The following PHKB variants were observed in gnomAD, a reference collection of about 807,000 sequenced individuals.
The protein encoded by PHKB is phosphorylase b kinase regulatory subunit beta.
In PHKB, 122 loss-of-function variants were observed where a neutral mutation model predicts 152.1. That is an observed-to-expected ratio of 0.80 (90% CI 0.69 to 0.93). The LOEUF (loss-of-function observed/expected upper bound fraction) is 0.93. PHKB is among the 40% of genes least tolerant of loss of function. PHKB has a pLI of 0.00. For synonymous variants in PHKB, 436 were observed against 464.9 expected (o/e 0.94, Z 0.80); for missense variants, 1,304 against 1,328.4 (o/e 0.98, Z 0.29).
intron 1 of PHKB, 53 bp from the exon 2 acceptor site, chr16:47,497,342 CTTTG>C (rs1330252372): frequency 5.3e-5 from 57 of 1,068,418 alleles, no homozygotes; most frequent in Non-Finnish European, 7.1e-5. Flanking sequence ...TAGAGTTTTT[CTTTG>C]TTTATCTTTG....
chr16:47,507,648 A>G lies in PHKB; in HGVS notation c.406-4017A>G, dbSNP rs113403852. Among the ~76,000 whole-genome samples, 803 of 152,304 alleles carry G rather than the reference A, an allele frequency of 5.3e-3. 3 individuals are homozygous for G. The highest frequency in any genetic ancestry group is 9.2e-3 in the Non-Finnish European group (626 of 68,006). ...GCTAGGATTACAGGCATGAGCCACC[A>G]TGTCTGGCCCAGTTAAGCTATCTTA... On this transcript the variant is annotated intron_variant, in intron 4 of 30. Coordinates refer to ENST00000323584, the MANE Select transcript of PHKB (RefSeq NM_000293.3).
At chr16:47,685,418 C>T (rs910621008) in intron 26 of PHKB, among the ~76,000 whole-genome samples, 1 of 152,058 alleles carries the variant, frequency 6.6e-6, no homozygotes, top group African/African-American at 2.4e-5. Flanking sequence ...GGGCGAGACT[C>T]CTCCTCAAAA....
intron 7 of PHKB, among the ~76,000 whole-genome samples, chr16:47,559,934 T>C (rs1352585461): frequency 2.6e-5 from 4 of 152,294 alleles, no homozygotes; most frequent in Admixed American, 2.6e-4. Flanking sequence ...CAAAAAAAAC[T>C]TTGGACCTGC....
intron 6 of PHKB, among the ~76,000 whole-genome samples, chr16:47,520,020 C>T (rs1460221498): frequency 6.6e-6 from 1 of 151,794 alleles, no homozygotes; most frequent in Non-Finnish European, 1.5e-5. Context: ...TGTATGGAAG[C>T]TTTGTGTCCT....
At chr16:47,685,730 G>GT (rs1178141654) in intron 26 of PHKB, among the ~76,000 whole-genome samples, 11 of 149,812 alleles carry the variant, frequency 7.3e-5, no homozygotes, top group Non-Finnish European at 1.5e-4. Flanking sequence ...AATAAATGTG[G>GT]TTTTTTTTCT....
At chr16:47,646,481 G>A (rs1402008450) in intron 16 of PHKB, among the ~76,000 whole-genome samples, 1 of 125,908 alleles carries the variant, frequency 7.9e-6, no homozygotes, top group Non-Finnish European at 1.6e-5. Flanking sequence ...GTATACATAT[G>A]TAACTAACCT....
chr16:47,613,385 C>T (rs1972461752), intron 14 of PHKB, among the ~76,000 whole-genome samples: 1 of 152,096 alleles, frequency 6.6e-6, no homozygotes, highest in East Asian at 1.9e-4. Context: ...GGGAAGCTTG[C>T]TCAAGCTTCA....
At chr16:47,463,993 GGTAA>G in intron 1 of PHKB, 1 of 1,598,712 alleles carries the variant, frequency 6.3e-7, no homozygotes, top group Non-Finnish European at 8.6e-7. Flanking sequence ...CTTAAGGTCT[GGTAA>G]GTGTTGTAGA....
rs947704079 is a variant in PHKB at position 47,552,178 on chromosome 16, C to G, written c.710+4630C>G. 4.6e-5 allele frequency among the ~76,000 whole-genome samples: 7 copies of G among 152,254 alleles called. No individual in the cohort carries two copies. The East Asian group carries it at 1.4e-3, about 29-fold the overall frequency. ...TTTACTCTTTATCCAGTTTTCCAGT[C>G]TCTGTTTTTTAACTGGGGCATTTAG... On this transcript the variant is annotated intron_variant, in intron 7 of 30. Coordinates refer to ENST00000323584, the MANE Select transcript of PHKB (RefSeq NM_000293.3).
intron 7 of PHKB, among the ~76,000 whole-genome samples, chr16:47,555,887 T>C (rs902436779): frequency 7.9e-5 from 12 of 152,254 alleles, no homozygotes; most frequent in Non-Finnish European, 1.3e-4. Flanking sequence ...TTTCACGATA[T>C]TGATTCTTCC....
At chr16:47,659,122 G>C (rs1310438038) in intron 20 of PHKB, among the ~76,000 whole-genome samples, 2 of 152,168 alleles carry the variant, frequency 1.3e-5, no homozygotes, top group African/African-American at 4.8e-5. Flanking sequence ...ACTATAGCCA[G>C]GCTAGTAAAA....
intron 6 of PHKB, among the ~76,000 whole-genome samples, chr16:47,542,431 C>G (rs545618072): frequency 6.6e-6 from 1 of 152,002 alleles, no homozygotes; most frequent in Non-Finnish European, 1.5e-5. Flanking sequence ...AGTCAGGTAG[C>G]GTGATGCCTC....
At position 47,511,750 on chromosome 16, in the gene PHKB, A is replaced by G. The variant is rs144211929; in HGVS notation, c.491A>G (p.Tyr164Cys). 195 of 1,591,424 alleles carry G rather than the reference A, an allele frequency of 1.2e-4. 1 individual carries two copies. The East Asian group carries it at 4.1e-3, about 33-fold the overall frequency. Residue 164 changes from tyrosine (Y) to cysteine (C), a missense_variant, in exon 5 of 31, where the codon TAT becomes TGT. Tyr to Cys is a radical substitution (Grantham distance 194). Transcript: ENST00000323584. The stretch of plus-strand genomic sequence containing the variant: ...CATACAGGAGATGAGTTGCTTTCCT[A>G]TGAGGAATATGGTCATCTTCAGGTA... ...NVHTGDELLS[Y>C]EEYGHLQINA...
At chr16:47,501,823 T>C (rs1970329256) in intron 3 of PHKB, among the ~76,000 whole-genome samples, 1 of 152,216 alleles carries the variant, frequency 6.6e-6, no homozygotes, top group Admixed American at 6.5e-5. Context: ...TTTCCCAGAA[T>C]GCTTCTAACA....
At chr16:47,650,792 G>T (rs755099482) in intron 19 of PHKB, 39 bp from the exon 20 acceptor site, 1 of 1,460,488 alleles carries the variant, frequency 6.8e-7, no homozygotes, top group South Asian at 1.1e-5. Flanking sequence ...TTACCATTCT[G>T]TTGTTAATCT....
Position 47,661,798 on chromosome 16 carries a change from A to C in PHKB, c.2276A>C (p.Glu759Ala). The C allele has an allele frequency of 1.2e-6, 2 of 1,606,868 alleles. No individual in the cohort carries two copies. The highest frequency in any genetic ancestry group is 1.7e-5 in the Admixed American group (1 of 59,992). Residue 759 changes from glutamate to alanine, a missense_variant and splice_region_variant, in exon 23 of 31, where the codon GAA becomes GCA. Coordinates refer to ENST00000323584, the MANE Select transcript of PHKB (RefSeq NM_000293.3). ...GAAGGCCCCAACTTCATCACAAAGG[A>C]AGGTAAGCATGCATGTCTAGGAGAA... Reference protein sequence around the residue: ...KREGPNFITKEGTVSDHIERV... With the variant: ...KREGPNFITKAGTVSDHIERV...
chr16:47,679,859 G>A (rs970536771), intron 26 of PHKB, among the ~76,000 whole-genome samples: 9 of 152,142 alleles, frequency 5.9e-5, no homozygotes, highest in African/African-American at 2.2e-4. Context: ...ATTTTCAAAG[G>A]GAATGCTTCC....
intron 1 of PHKB, 117 bp downstream of exon 1, chr16:47,461,543 C>T (rs1460188262): frequency 1.9e-6 from 2 of 1,041,468 alleles, no homozygotes; most frequent in African/African-American, 3.1e-5. Flanking sequence ...CCGAGTTCCT[C>T]CTTAGAAAGC....
At chr16:47,622,893 C>T (rs1482276554) in intron 14 of PHKB, among the ~76,000 whole-genome samples, 2 of 152,166 alleles carry the variant, frequency 1.3e-5, no homozygotes, top group African/African-American at 4.8e-5. Flanking sequence ...GAGTTTCATG[C>T]TTTCTCCTCT....
Sources: gnomAD v4.1 joint callset for allele counts (sites outside exome capture counted in the v4.1 genomes callset) on GRCh38, gnomAD v4.1.1 for gene constraint, MANE v1.5 for transcripts, NCBI Gene and HGNC (gene_info 2026-07-23, HGNC 2026-07-21) for gene names.